The following KL variants were observed in gnomAD, a reference collection of about 807,000 sequenced individuals.
The protein encoded by KL is alpha-klotho.
In KL, 62 loss-of-function variants were observed where a neutral mutation model predicts 84.2. The ratio of observed to expected loss-of-function variants is 0.74; its 90% CI spans 0.60 to 0.91. The LOEUF (loss-of-function observed/expected upper bound fraction) is 0.91, where lower values mean the gene tolerates loss of function less well. Among genes scored for constraint, KL ranks in the 40% least tolerant of loss-of-function variants. The pLI, the probability that KL is intolerant of heterozygous loss-of-function variation, is 0.00. For missense variants in KL, 1,261 were observed against 1,305.7 expected, an observed-to-expected ratio of 0.97 and a Z score of 0.53; for synonymous variants, 528 against 528.0, an observed-to-expected ratio of 1.00 and a Z score of 0.00.
chr13:33,059,051 G>T (rs1476629479), intron 3 of KL, among the ~76,000 whole-genome samples: 2 of 152,124 alleles, frequency 1.3e-5, no homozygotes, highest in African/African-American at 4.8e-5. Context: ...CAGAGAAATA[G>T]CAGTGCATTT....
intron 1 of KL, among the ~76,000 whole-genome samples, chr13:33,033,355 T>A (rs943964406): frequency 8.5e-5 from 13 of 152,194 alleles, no homozygotes; most frequent in Non-Finnish European, 1.6e-4. Flanking sequence ...CTTGCCGTTT[T>A]AAAAATTTCC....
At chr13:33,027,893 T>C (rs1271894480) in intron 1 of KL, among the ~76,000 whole-genome samples, 2 of 152,188 alleles carry the variant, frequency 1.3e-5, no homozygotes, top group Non-Finnish European at 2.9e-5. Flanking sequence ...AAGAAATTTA[T>C]TGGGGAAAGA....
rs767737092 is a variant in KL at position 33,060,742 on chromosome 13, A to G, written c.1663A>G (p.Lys555Glu). The G allele has an allele frequency of 1.2e-6, 2 of 1,614,210 alleles. No homozygotes were observed. Among genetic ancestry groups the G allele is most frequent in the Non-Finnish European group, 1.7e-6 (2 of 1,180,030 alleles). The part of the protein sequence containing the change: ...NVYLWDVHHS[K>E]RLIKVDGVVT... ...TTACCTGTGGGATGTCCACCACAGT[A>G]AAAGGCTTATTAAAGTGGATGGGGT... is the stretch of plus-strand genomic sequence containing the variant. Residue 555 changes from lysine to glutamate, a missense_variant, in exon 4 of 5, where the codon AAA (lysine) becomes GAA (glutamate). Lys to Glu is a moderately conservative substitution (Grantham distance 56). Transcript: ENST00000380099.
At chr13:33,044,433 C>T (rs1476536772) in intron 1 of KL, among the ~76,000 whole-genome samples, 2 of 152,086 alleles carry the variant, frequency 1.3e-5, no homozygotes, top group African/African-American at 4.8e-5. Context: ...AATATTGACT[C>T]TTCCAATCCA....
intron 1 of KL, among the ~76,000 whole-genome samples, chr13:33,046,643 C>A (rs1245090135): frequency 1.3e-5 from 2 of 151,390 alleles, no homozygotes; most frequent in Admixed American, 1.3e-4. Context: ...TTGTGTATAT[C>A]CATTCTAATT....
In KL at chr13:33,064,080, C is replaced by T. The variant is rs1190845658; in HGVS notation, c.2933C>T (p.Thr978Ile). 1.2e-6 allele frequency: 2 copies of T among 1,613,898 alleles called. No homozygotes were observed. The highest frequency in any genetic ancestry group is 1.7e-5 in the Admixed American group (1 of 59,990). Residue 978 changes from threonine to isoleucine, a missense_variant, in exon 5 of 5, where the codon ACC becomes ATC. Transcript: ENST00000380099. Reference sequence around the variant, plus strand: ...TGTACTGAGTGCAGTTTTTTTCACACCCGAAAGTCTTTACTGGCTTTCATA... The same window carrying T: ...TGTACTGAGTGCAGTTTTTTTCACATCCGAAAGTCTTTACTGGCTTTCATA... ...TVCTECSFFH[T>I]RKSLLAFIAF...
At chr13:33,055,022 C>T (rs1317171897) in intron 2 of KL, 25 bp from the exon 3 acceptor site, 2 of 1,614,078 alleles carry the variant, frequency 1.2e-6, no homozygotes, top group South Asian at 2.2e-5. Context: ...GGTCATGTTG[C>T]TCTTGTCCCC....
At chr13:33,048,540 A>C (rs656525) in intron 1 of KL, among the ~76,000 whole-genome samples, 101,270 of 152,192 alleles carry the variant, frequency 0.67, 34,182 homozygotes, top group Admixed American at 0.76. Context: ...TGGACAGCCA[A>C]GGATCCTTGG....
In KL at chr13:33,065,233, A is replaced by C. The variant is rs1441935407; in HGVS notation, c.*1047A>C. On this transcript the variant is annotated 3_prime_UTR_variant, in exon 5 of 5. Coordinates refer to ENST00000380099, the MANE Select transcript of KL (RefSeq NM_004795.4). ...ACAAATTCTTAATAGGTTCAAAAGC[A>C]ATCTGGTCTGAATAACACTGGATTT... 2 of 216,972 alleles carry C rather than the reference A, an allele frequency of 9.2e-6. No homozygotes were observed. Among genetic ancestry groups the C allele is most frequent in the Non-Finnish European group, 1.9e-5 (2 of 107,776 alleles). The allele number at this position is 216,972 out of a possible 1,614,324, so 13.4% of individuals were successfully genotyped here.
intron 1 of KL, among the ~76,000 whole-genome samples, chr13:33,029,470 A>T (rs1870893060): frequency 6.6e-6 from 1 of 152,184 alleles, no homozygotes; most frequent in South Asian, 2.1e-4. Flanking sequence ...GTACTATCTT[A>T]TTTGCACTCT....
intron 1 of KL, among the ~76,000 whole-genome samples, chr13:33,051,320 G>A (rs73176853): frequency 0.083 from 12,652 of 152,128 alleles, 548 homozygotes; most frequent in African/African-American, 0.11. Flanking sequence ...GCTGAGGATC[G>A]CTTGAGCCCA....
At chr13:33,063,022 AGAGTTTTGGGCCCTCT>A (rs1448597796) in intron 4 of KL, among the ~76,000 whole-genome samples, 1 of 152,064 alleles carries the variant, frequency 6.6e-6, no homozygotes, top group Non-Finnish European at 1.5e-5. Flanking sequence ...ATCTGAGGGC[AGAGTTTTGGGCCCTCT>A]GACGTCAAAA....
At chr13:33,041,283 C>T (rs145396589) in intron 1 of KL, among the ~76,000 whole-genome samples, 1 of 151,998 alleles carries the variant, frequency 6.6e-6, no homozygotes, top group East Asian at 1.9e-4. Context: ...ATTAACAGAC[C>T]ACACTGTTCA....
intron 1 of KL, among the ~76,000 whole-genome samples, chr13:33,047,843 CT>C (rs34258609): frequency 0.67 from 100,953 of 151,718 alleles, 34,064 homozygotes; most frequent in Admixed American, 0.76. Context: ...TTAGAGAAAC[CT>C]TTTAATATCT....
intron 4 of KL, among the ~76,000 whole-genome samples, chr13:33,063,253 GA>G (rs1188340646): frequency 0.014 from 1,909 of 138,300 alleles, 36 homozygotes; most frequent in African/African-American, 0.043. Flanking sequence ...ATGGAAAAAG[GA>G]AAAAAAAAAA....
chr13:33,057,074 T>G (rs532563032), intron 3 of KL, among the ~76,000 whole-genome samples: 1 of 152,098 alleles, frequency 6.6e-6, no homozygotes, highest in African/African-American at 2.4e-5. Flanking sequence ...AAGACCTCCG[T>G]AGCCTTCCTT....
chr13:33,056,095 C>G (rs1871946912), intron 3 of KL, among the ~76,000 whole-genome samples: 1 of 152,058 alleles, frequency 6.6e-6, no homozygotes, highest in Non-Finnish European at 1.5e-5. Flanking sequence ...TTCAAAGGAG[C>G]AAAGGAGTCT....
intron 1 of KL, among the ~76,000 whole-genome samples, chr13:33,037,051 A>G (rs186993478): frequency 2.6e-5 from 4 of 152,320 alleles, no homozygotes; most frequent in Admixed American, 2.0e-4. Flanking sequence ...ATGATACTGA[A>G]TATACTAATG....
rs1870336840 is a variant in KL at position 33,016,536 on chromosome 13, T to C, written c.96T>C (p.Arg32=). 1.5e-6 allele frequency: 2 copies of C among 1,376,796 alleles called. No individual in the cohort carries two copies. The highest frequency in any genetic ancestry group is 1.7e-5 in the South Asian group (1 of 58,454). 85.3% of individuals were successfully genotyped at this position (1,376,796 alleles called of 1,614,324 possible). Residue 32 remains arginine, a synonymous_variant, in exon 1 of 5, where the codon CGT becomes CGC. Coordinates refer to ENST00000380099, the MANE Select transcript of KL (RefSeq NM_004795.4). ...TGGGCCTGGGCGGCCGCCGCCTGCG[T>C]GCGGAGCCGGGCGACGGCGCGCAGA... The part of the protein sequence containing the change: ...VLLGLGGRRL[R]AEPGDGAQTW...
Sources: gnomAD v4.1 joint callset for allele counts (sites outside exome capture counted in the v4.1 genomes callset) on GRCh38, gnomAD v4.1.1 for gene constraint, MANE v1.5 for transcripts, NCBI Gene and HGNC (gene_info 2026-07-23, HGNC 2026-07-21) for gene names.